GRAMD2B: variants seen among roughly 807,000 people sequenced by gnomAD.
The protein encoded by GRAMD2B is GRAM domain-containing protein 2B.
GRAMD2B carries 41 observed loss-of-function variants against 59.2 expected under a neutral mutation model. The observed-to-expected ratio is 0.69, with a 90% CI of 0.54 to 0.90. The LOEUF (loss-of-function observed/expected upper bound fraction) is 0.90. GRAMD2B is among the 40% of genes least tolerant of loss of function. The probability of loss-of-function intolerance (pLI) is 0.00; values close to 1 mark genes in which losing one functional copy is unlikely to be tolerated. For synonymous variants in GRAMD2B, 161 were observed against 182.7 expected, an observed-to-expected ratio of 0.88 and a Z score of 0.96; for missense variants, 424 against 500.5, an observed-to-expected ratio of 0.85 and a Z score of 1.46.
intron 13 of GRAMD2B, among the ~76,000 whole-genome samples, chr5:126,491,866 T>C (rs1774001057): frequency 6.6e-6 from 1 of 152,156 alleles, no homozygotes; most frequent in South Asian, 2.1e-4. Context: ...CCCAAGTAGC[T>C]GGGATTACAG....
chr5:126,367,771 A>G (rs1290411237), upstream of GRAMD2B, among the ~76,000 whole-genome samples: 2 of 151,126 alleles, frequency 1.3e-5, no homozygotes, highest in South Asian at 2.1e-4. Context: ...TCTTTTTTTG[A>G]TTTGGATTCT....
At chr5:126,432,910 C>T (rs1761810767) in intron 1 of GRAMD2B, among the ~76,000 whole-genome samples, 1 of 152,092 alleles carries the variant, frequency 6.6e-6, no homozygotes. Flanking sequence ...GGTATATGAG[C>T]TATAAGAGAA....
chr5:126,442,549 C>A (rs912510677), intron 1 of GRAMD2B, among the ~76,000 whole-genome samples: 34 of 152,292 alleles, frequency 2.2e-4, no homozygotes, highest in Admixed American at 1.6e-3. Flanking sequence ...GCCTTGGCCT[C>A]CCAAAGTGCT....
rs115307990 is a variant in GRAMD2B at position 126,428,220 on chromosome 5, A to G, written c.83+4531A>G. On this transcript the variant is annotated intron_variant, in intron 1 of 13. Transcript: ENST00000285689. Reference sequence around the variant, plus strand: ...ACTCCAGCCTGGGCAACATAACAAGATCCAGTTCACTTTTCATTATAAACT... The same window carrying G: ...ACTCCAGCCTGGGCAACATAACAAGGTCCAGTTCACTTTTCATTATAAACT... Among the ~76,000 whole-genome samples the G allele has an allele frequency of 9.6e-3, 1,460 of 152,244 alleles. 11 individuals carry two copies. Among genetic ancestry groups the G allele is most frequent in the Non-Finnish European group, 0.013 (906 of 68,022 alleles).
intron 2 of GRAMD2B, among the ~76,000 whole-genome samples, chr5:126,468,057 T>C (rs1768793523): frequency 6.6e-6 from 1 of 152,236 alleles, no homozygotes; most frequent in Non-Finnish European, 1.5e-5. Context: ...AATAATATTG[T>C]GAAATCATGG....
intron 1 of GRAMD2B, among the ~76,000 whole-genome samples, chr5:126,399,171 T>C (rs964072136): frequency 2.0e-5 from 3 of 152,222 alleles, no homozygotes; most frequent in African/African-American, 7.2e-5. Context: ...TTGGGTGCTC[T>C]ATCCATTAGT....
At chr5:126,420,401 A>T (rs1759628009), upstream of GRAMD2B, among the ~76,000 whole-genome samples, 1 of 152,214 alleles carries the variant, frequency 6.6e-6, no homozygotes, top group Non-Finnish European at 1.5e-5. Context: ...AAACGTAAGC[A>T]AACATCAGTA....
intron 1 of GRAMD2B, among the ~76,000 whole-genome samples, chr5:126,427,859 T>C (rs370962984): frequency 2.0e-5 from 3 of 152,302 alleles, no homozygotes; most frequent in Admixed American, 6.5e-5. Flanking sequence ...TTCCAAACTT[T>C]GAAAGCTCCC....
chr5:126,392,641 G>A (rs965001793), intron 1 of GRAMD2B, among the ~76,000 whole-genome samples: 3 of 151,174 alleles, frequency 2.0e-5, no homozygotes, highest in Non-Finnish European at 4.4e-5. Flanking sequence ...TGGTTTTGGG[G>A]AAAACAATTT....
chr5:126,454,162 T>G (rs1337870760), intron 1 of GRAMD2B, among the ~76,000 whole-genome samples: 1 of 152,190 alleles, frequency 6.6e-6, no homozygotes, highest in Non-Finnish European at 1.5e-5. Context: ...AGAGAATTCC[T>G]TTTGAAAAGA....
chr5:126,444,854 C>T (rs1452184361), intron 1 of GRAMD2B, among the ~76,000 whole-genome samples: 1 of 152,146 alleles, frequency 6.6e-6, no homozygotes, highest in Non-Finnish European at 1.5e-5. Context: ...CTCCCTCCCA[C>T]CTCTCCTGAC....
At chr5:126,438,429 A>C (rs1252523939) in intron 1 of GRAMD2B, among the ~76,000 whole-genome samples, 1 of 152,190 alleles carries the variant, frequency 6.6e-6, no homozygotes, top group Non-Finnish European at 1.5e-5. Flanking sequence ...GGAGGAATGA[A>C]TAGATGCAGT....
upstream of GRAMD2B, among the ~76,000 whole-genome samples, chr5:126,369,566 C>T (rs569123339): frequency 6.6e-6 from 1 of 152,046 alleles, no homozygotes; most frequent in African/African-American, 2.4e-5. Flanking sequence ...CTGTTTTTTC[C>T]TAGCTTCATT....
chr5:126,384,718 T>C (rs762481335), intron 1 of GRAMD2B, among the ~76,000 whole-genome samples: 2 of 152,212 alleles, frequency 1.3e-5, no homozygotes, highest in Admixed American at 6.5e-5. Flanking sequence ...AAGTCCGCAC[T>C]CTATGCACGC....
intron 1 of GRAMD2B, among the ~76,000 whole-genome samples, chr5:126,428,043 G>C (rs910497859): frequency 2.6e-5 from 4 of 152,086 alleles, no homozygotes; most frequent in African/African-American, 9.7e-5. Context: ...GACCAGCCTG[G>C]CCAACATGGT....
intron 6 of GRAMD2B, among the ~76,000 whole-genome samples, chr5:126,478,568 C>G (rs751758960): frequency 5.5e-4 from 83 of 152,240 alleles, no homozygotes; most frequent in Middle Eastern, 3.4e-3. Flanking sequence ...TGGTGAAACC[C>G]TCTGTCTTCA....
intron 1 of GRAMD2B, among the ~76,000 whole-genome samples, chr5:126,376,373 C>A (rs182751398): frequency 1.1e-4 from 16 of 152,312 alleles, no homozygotes; most frequent in African/African-American, 3.6e-4. Flanking sequence ...TCCAAGGCAG[C>A]CCCACAGTCA....
upstream of GRAMD2B, among the ~76,000 whole-genome samples, chr5:126,366,860 T>C (rs1180310797): frequency 6.7e-6 from 1 of 148,478 alleles, no homozygotes; most frequent in Non-Finnish European, 1.5e-5. Flanking sequence ...TTTTTTTTTT[T>C]TTTTTTCTTT....
intron 1 of GRAMD2B, among the ~76,000 whole-genome samples, chr5:126,398,223 G>T (rs1201364134): frequency 6.6e-6 from 1 of 151,588 alleles, no homozygotes; most frequent in Non-Finnish European, 1.5e-5. Context: ...GTCTCTCTAT[G>T]TTGCCCAGGC....
Sources: allele counts gnomAD v4.1 joint callset (sites outside exome capture counted in the v4.1 genomes callset), GRCh38; gene constraint gnomAD v4.1.1; transcripts MANE v1.5; gene names NCBI Gene and HGNC (gene_info 2026-07-23, HGNC 2026-07-21).